Variants in TMCO4 observed in about 807,000 individuals in gnomAD.
TMCO4 encodes the protein transmembrane and coiled-coil domain-containing protein 4.
TMCO4 carries 58 observed loss-of-function variants against 64.7 expected under a neutral mutation model. That is an observed-to-expected ratio of 0.90 (90% CI 0.73 to 1.12). The LOEUF is 1.12. Ranked by LOEUF, TMCO4 falls within the 50% of genes most tolerant of loss-of-function variation. The probability of loss-of-function intolerance (pLI) is 0.00; values close to 1 mark genes in which losing one functional copy is unlikely to be tolerated. For missense variants in TMCO4, 780 were observed against 825.9 expected (o/e 0.94, Z 0.68); for synonymous variants, 325 against 346.1 (o/e 0.94, Z 0.68).
chr1:19,790,462 G>GA (rs1196551976), intron 2 of TMCO4, among the ~76,000 whole-genome samples: 1 of 151,334 alleles, frequency 6.6e-6, no homozygotes, highest in Non-Finnish European at 1.5e-5. Context: ...AAATTTACAA[G>GA]AAAAAAACAA....
At chr1:19,746,873 G>A (rs933714938) in intron 8 of TMCO4, among the ~76,000 whole-genome samples, 1 of 142,880 alleles carries the variant, frequency 7.0e-6, no homozygotes, top group Non-Finnish European at 1.5e-5. Flanking sequence ...GCAGTGAGCC[G>A]AGATCATGCC....
intron 13 of TMCO4, among the ~76,000 whole-genome samples, chr1:19,712,742 A>G (rs2095337182): frequency 6.6e-6 from 1 of 152,266 alleles, no homozygotes; most frequent in African/African-American, 2.4e-5. Context: ...AAGAATTATC[A>G]AAATGTGACA....
Position 19,781,926 on chromosome 1 carries a change from A to G in TMCO4, c.-8-1160T>C, listed in dbSNP as rs187474841. On this transcript the variant is annotated intron_variant, in intron 3 of 15. Transcript: ENST00000294543. The stretch of plus-strand genomic sequence containing the variant: ...CTCCCAAAGTGCTGGGATTACAGGC[A>G]TGAGCCACCACGCCTGGCTGCAAAC... Among the ~76,000 whole-genome samples the G allele has an allele frequency of 4.2e-3, 635 of 152,340 alleles. 3 individuals carry two copies. Among genetic ancestry groups the G allele is most frequent in the Non-Finnish European group, 6.1e-3 (415 of 68,026 alleles).
intron 2 of TMCO4, among the ~76,000 whole-genome samples, chr1:19,791,394 C>T (rs188237545): frequency 6.6e-6 from 1 of 152,218 alleles, no homozygotes; most frequent in East Asian, 1.9e-4. Flanking sequence ...CAATTCTCAG[C>T]TTCTCAGCTC....
chr1:19,705,959 G>A (rs2095301049), intron 13 of TMCO4, among the ~76,000 whole-genome samples: 1 of 151,930 alleles, frequency 6.6e-6, no homozygotes, highest in Admixed American at 6.6e-5. Context: ...GGAGTGCTGT[G>A]GCGCAATTGT....
At chr1:19,683,527 T>C (rs1377634290) in intron 15 of TMCO4, 83 bp from the exon 16 acceptor site, 1 of 1,505,970 alleles carries the variant, frequency 6.6e-7, no homozygotes, top group East Asian at 2.4e-5. Flanking sequence ...CTTCTGGGCC[T>C]CAGCCTTGCC....
rs2100795743 is a variant in TMCO4 at position 19,732,197 on chromosome 1, GC to G, written c.1264+5174del. On this transcript the variant is annotated intron_variant, in intron 13 of 15. Coordinates refer to ENST00000294543, the MANE Select transcript of TMCO4 (RefSeq NM_181719.7). This position sits in a 1 kb window ranked among gnomAD's most constrained non-coding sequence, Gnocchi z 4.8. Reference sequence around the variant, plus strand: ...TAAGGGACAGACCCCTCTCAGTGTGGCTTTTGCTCTGTCACCCAGGCTGGAG... The same window carrying G: ...TAAGGGACAGACCCCTCTCAGTGTGGTTTTGCTCTGTCACCCAGGCTGGAG... Among the ~76,000 whole-genome samples, 1 of 152,206 alleles carries G rather than the reference GC, an allele frequency of 6.6e-6. No homozygotes were observed. The highest frequency in any genetic ancestry group is 1.9e-4 in the East Asian group (1 of 5,170).
At chr1:19,730,171 A>G (rs1570789919) in intron 13 of TMCO4, among the ~76,000 whole-genome samples, 1 of 152,214 alleles carries the variant, frequency 6.6e-6, no homozygotes, top group Admixed American at 6.5e-5. Flanking sequence ...GCTTTGGCCA[A>G]TGAAATGTTT....
intron 2 of TMCO4, among the ~76,000 whole-genome samples, chr1:19,794,080 C>T (rs1470302054): frequency 6.6e-6 from 1 of 152,026 alleles, no homozygotes. Flanking sequence ...CTGCTCTAGC[C>T]ACACCCTCCT....
Position 19,792,140 on chromosome 1 carries a change from C to T in TMCO4, c.-100-5023G>A, listed in dbSNP as rs545262541. ...AAACATCTTTTTCTTTATAAATTACCCAGTCTCGGGTACGTCTTCATCAGC... is the reference window on the plus strand; with the variant it reads ...AAACATCTTTTTCTTTATAAATTACTCAGTCTCGGGTACGTCTTCATCAGC... On this transcript the variant is annotated intron_variant, in intron 2 of 15. Transcript: ENST00000294543. 2.6e-5 allele frequency among the ~76,000 whole-genome samples: 4 copies of T among 152,278 alleles called. No homozygotes were observed. The South Asian group carries it at 8.3e-4, about 32-fold the overall frequency.
At chr1:19,742,974 C>G (rs1292302030) in intron 10 of TMCO4, among the ~76,000 whole-genome samples, 1 of 151,940 alleles carries the variant, frequency 6.6e-6, no homozygotes, top group African/African-American at 2.4e-5. Flanking sequence ...CGCTAGAACC[C>G]GGGAGGCGGA....
chr1:19,730,008 G>A lies in TMCO4; in HGVS notation c.1264+7364C>T, dbSNP rs189170505. Among the ~76,000 whole-genome samples the A allele has an allele frequency of 2.8e-3, 426 of 152,274 alleles. 3 individuals carry two copies. The highest frequency in any genetic ancestry group is 1.8e-3 in the Non-Finnish European group (125 of 68,032). ...GTGCCTACTTCACGGGCTCTTGTGA[G>A]AATTAAACAAAATAATGCCAGTAAA... On this transcript the variant is annotated intron_variant, in intron 13 of 15. Coordinates refer to ENST00000294543, the MANE Select transcript of TMCO4 (RefSeq NM_181719.7).
intron 4 of TMCO4, among the ~76,000 whole-genome samples, chr1:19,777,600 C>T (rs1041130354): frequency 2.0e-5 from 3 of 152,154 alleles, no homozygotes; most frequent in African/African-American, 4.8e-5. Flanking sequence ...CTACATGCCT[C>T]GGCCTCCCAA....
intron 7 of TMCO4, among the ~76,000 whole-genome samples, chr1:19,751,356 G>A (rs1021682570): frequency 3.3e-5 from 5 of 152,266 alleles, no homozygotes; most frequent in African/African-American, 9.6e-5. Context: ...CTAGCACTTC[G>A]GGAGGCTGTG....
chr1:19,701,076 T>C, intron 13 of TMCO4, 191 bp from the exon 14 acceptor site: 1 of 535,628 alleles, frequency 1.9e-6, no homozygotes, highest in Non-Finnish European at 3.3e-6. Flanking sequence ...GCATGGAGGC[T>C]TCTACCTACT....
intron 4 of TMCO4, among the ~76,000 whole-genome samples, chr1:19,778,187 T>A (rs1254914823): frequency 1.3e-5 from 2 of 152,194 alleles, no homozygotes; most frequent in East Asian, 3.8e-4. Flanking sequence ...ATTTATTGAG[T>A]GCCTACTATG....
intron 10 of TMCO4, among the ~76,000 whole-genome samples, chr1:19,744,128 G>A (rs573456447): frequency 3.3e-5 from 5 of 152,122 alleles, no homozygotes; most frequent in African/African-American, 7.2e-5. Flanking sequence ...GGAGGCTCTG[G>A]GCAGGCGTGC....
chr1:19,782,782 G>C (rs2043551990), intron 3 of TMCO4, among the ~76,000 whole-genome samples: 3 of 152,176 alleles, frequency 2.0e-5, no homozygotes, highest in Admixed American at 2.0e-4. Flanking sequence ...CTCTACTACA[G>C]GGGATCAAGG....
intron 13 of TMCO4, among the ~76,000 whole-genome samples, chr1:19,730,092 T>C (rs2095424110): frequency 1.3e-5 from 2 of 152,272 alleles, no homozygotes; most frequent in Non-Finnish European, 2.9e-5. Context: ...TCTAGCTCTC[T>C]GTCTCTGACC....
Sources: allele counts gnomAD v4.1 joint callset (sites outside exome capture counted in the v4.1 genomes callset), GRCh38; gene constraint gnomAD v4.1.1; non-coding constraint Gnocchi (gnomAD v3.1); transcripts MANE v1.5; gene names NCBI Gene and HGNC (gene_info 2026-07-23, HGNC 2026-07-21).